Variants in AKT3 observed in about 807,000 individuals in gnomAD.
The protein encoded by AKT3 is RAC-gamma serine/threonine-protein kinase.
A neutral mutation model predicts 65.3 loss-of-function variants in AKT3; 15 were observed. That is an observed-to-expected ratio of 0.23 (90% confidence interval 0.15 to 0.35). The LOEUF (loss-of-function observed/expected upper bound fraction) is 0.35, where lower values mean the gene tolerates loss of function less well. Ranked by LOEUF, AKT3 falls within the 10% of genes least tolerant of loss-of-function variation. The pLI, the probability that AKT3 is intolerant of heterozygous loss-of-function variation, is 1.00. For missense variants in AKT3, 243 were observed against 576.5 expected (o/e 0.42, Z 5.92); for synonymous variants, 206 against 183.8 (o/e 1.12, Z -0.98).
chr1:243,566,191 C>T (rs1378955123), intron 9 of AKT3, among the ~76,000 whole-genome samples: 1 of 152,016 alleles, frequency 6.6e-6, no homozygotes, highest in Non-Finnish European at 1.5e-5. Context: ...TACCTAGCTC[C>T]GTGTGTGTGT....
rs1005115112 is a variant in AKT3, at chr1:243,517,023, C to G, written c.1252-4597G>C. ...GTATTGCTTTAGCTGTATATCACAG[C>G]TAAACACATTGTGTTTTCGTTTTCA... On this transcript the variant is annotated intron_variant, in intron 12 of 13. Transcript: ENST00000673466. Among the ~76,000 whole-genome samples, 23 of 152,276 alleles carry G rather than the reference C, an allele frequency of 1.5e-4. No individual in the cohort carries two copies. The East Asian group carries it at 4.1e-3, about 27-fold the overall frequency.
intron 12 of AKT3, among the ~76,000 whole-genome samples, chr1:243,533,840 A>T (rs1423495348): frequency 6.6e-6 from 1 of 151,974 alleles, no homozygotes; most frequent in Admixed American, 6.5e-5. Context: ...AATACAAAAA[A>T]TTAGCCGGGC....
chr1:243,548,088 G>A (rs1347458746), intron 11 of AKT3: 1 of 152,156 alleles, frequency 6.6e-6, no homozygotes, highest in African/African-American at 2.4e-5. Context: ...TTATCCAAAA[G>A]GCATTCTAAG....
At chr1:243,640,375 T>A (rs10927047) in intron 5 of AKT3, among the ~76,000 whole-genome samples, 19,499 of 152,226 alleles carry the variant, frequency 0.13, 1,438 homozygotes, top group East Asian at 0.23. Context: ...CATTCCACTC[T>A]TCCCATGAAG....
At chr1:243,734,217 T>G (rs1425828362) in intron 2 of AKT3, among the ~76,000 whole-genome samples, 1 of 152,218 alleles carries the variant, frequency 6.6e-6, no homozygotes, top group Admixed American at 6.5e-5. Context: ...AATGTATGTA[T>G]GAATGTGTAA....
At chr1:243,517,973 T>C (rs1670469434) in intron 12 of AKT3, among the ~76,000 whole-genome samples, 1 of 152,228 alleles carries the variant, frequency 6.6e-6, no homozygotes, top group Non-Finnish European at 1.5e-5. Context: ...GTCTTGCAGC[T>C]GAGTAAGACG....
intron 10 of AKT3, among the ~76,000 whole-genome samples, chr1:243,562,678 C>CAT (rs1673880386): frequency 6.6e-6 from 1 of 152,076 alleles, no homozygotes; most frequent in Non-Finnish European, 1.5e-5. Flanking sequence ...AGAAGGGCTA[C>CAT]ATGTAAGTGT....
chr1:243,714,394 T>C lies in AKT3; in HGVS notation c.47-18678A>G, dbSNP rs182544273. ...CAAAACACTAATGAATACAAGTTCA[T>C]TGGAGTGTTTCTAAGTTAAGGCACA... On this transcript the variant is annotated intron_variant, in intron 2 of 13. Transcript: ENST00000673466. Among the ~76,000 whole-genome samples the C allele has an allele frequency of 5.3e-5, 8 of 152,314 alleles. No individual in the cohort carries two copies. In the East Asian group the frequency reaches 7.7e-4, roughly 15 times the overall value.
chr1:243,496,180 G>A (rs889552384), downstream of AKT3, among the ~76,000 whole-genome samples: 3 of 152,218 alleles, frequency 2.0e-5, no homozygotes, highest in African/African-American at 7.2e-5. Context: ...GAGAAATGAA[G>A]TGAATGGAAT....
chr1:243,807,338 T>A (rs781281558), intron 2 of AKT3, among the ~76,000 whole-genome samples: 3 of 152,170 alleles, frequency 2.0e-5, no homozygotes, highest in African/African-American at 4.8e-5. Flanking sequence ...CCCACCCTAA[T>A]ACTGCGCTTT....
At chr1:243,769,523 T>C (rs1036079038) in intron 2 of AKT3, among the ~76,000 whole-genome samples, 1 of 152,226 alleles carries the variant, frequency 6.6e-6, no homozygotes, top group Non-Finnish European at 1.5e-5. Flanking sequence ...ATGATTTTAA[T>C]TTGCACTTCT....
chr1:243,626,267 T>A (rs890309555), intron 6 of AKT3, among the ~76,000 whole-genome samples: 1 of 152,100 alleles, frequency 6.6e-6, no homozygotes, highest in African/African-American at 2.4e-5. Context: ...ACAAAACAGA[T>A]AGTCAACGAA....
At chr1:243,550,470 A>C (rs1223025316) in intron 11 of AKT3, among the ~76,000 whole-genome samples, 9 of 152,084 alleles carry the variant, frequency 5.9e-5, no homozygotes, top group Admixed American at 1.3e-4. Flanking sequence ...GGGCTGACAA[A>C]TAAAAAAAAA....
At chr1:243,763,686 T>C (rs569123823) in intron 2 of AKT3, among the ~76,000 whole-genome samples, 1 of 152,290 alleles carries the variant, frequency 6.6e-6, no homozygotes, top group South Asian at 2.1e-4. Context: ...GATGTTTGTG[T>C]ACTTATCAGA....
At chr1:243,646,113 A>G in intron 4 of AKT3, 76 bp from the exon 5 acceptor site, 1 of 1,232,870 alleles carries the variant, frequency 8.1e-7, no homozygotes, top group South Asian at 1.5e-5. Context: ...TAAACTATGA[A>G]ATCAATACAA....
chr1:243,659,015 G>A (rs1010366349), intron 4 of AKT3, among the ~76,000 whole-genome samples: 1 of 151,696 alleles, frequency 6.6e-6, no homozygotes, highest in Non-Finnish European at 1.5e-5. Flanking sequence ...GGCTGACAGA[G>A]CAAGACCTTG....
intron 6 of AKT3, among the ~76,000 whole-genome samples, chr1:243,632,153 G>A (rs1396955441): frequency 2.0e-5 from 3 of 152,090 alleles, no homozygotes; most frequent in African/African-American, 7.2e-5. Context: ...AGTTTCCTTG[G>A]ATCTATCAGC....
intron 4 of AKT3, among the ~76,000 whole-genome samples, chr1:243,650,459 T>C (rs1182728948): frequency 2.6e-5 from 4 of 152,236 alleles, no homozygotes; most frequent in African/African-American, 9.6e-5. Flanking sequence ...GCTTTTGGTG[T>C]TTTAGACATG....
At chr1:243,525,286 C>G (rs1396110218) in intron 12 of AKT3, among the ~76,000 whole-genome samples, 5 of 152,178 alleles carry the variant, frequency 3.3e-5, no homozygotes, top group African/African-American at 1.2e-4. Context: ...ATTCAGTATT[C>G]TTTGCTGCAA....
Sources: gnomAD v4.1 joint callset for allele counts (sites outside exome capture counted in the v4.1 genomes callset) on GRCh38, gnomAD v4.1.1 for gene constraint, MANE v1.5 for transcripts, NCBI Gene and HGNC (gene_info 2026-07-23, HGNC 2026-07-21) for gene names.